Variants in ANO6 observed in about 807,000 individuals in gnomAD.
The protein encoded by ANO6 is anoctamin 6.
A neutral mutation model predicts 117.5 loss-of-function variants in ANO6; 106 were observed. That is an observed-to-expected ratio of 0.90 (90% CI 0.77 to 1.06). The LOEUF is 1.06. Among genes scored for constraint, ANO6 ranks in the 50% least tolerant of loss-of-function variants. The pLI is 0.00. For synonymous variants in ANO6, 367 were observed against 385.1 expected (o/e 0.95, Z 0.55); for missense variants, 955 against 1,121.1 (o/e 0.85, Z 2.12).
intron 9 of ANO6, among the ~76,000 whole-genome samples, 186 bp downstream of exon 9, chr12:45,367,979 G>A (rs1941729327): frequency 6.6e-6 from 1 of 152,026 alleles, no homozygotes; most frequent in East Asian, 1.9e-4. Context: ...ATAAAATTGT[G>A]ATTTAAGACC....
intron 1 of ANO6, among the ~76,000 whole-genome samples, chr12:45,229,322 G>A (rs1302425520): frequency 6.6e-6 from 1 of 150,678 alleles, no homozygotes; most frequent in Non-Finnish European, 1.5e-5. Flanking sequence ...TCCTTTTAAT[G>A]TTCCCATGTC....
At chr12:45,219,700 T>C (rs1486981300) in intron 1 of ANO6, among the ~76,000 whole-genome samples, 1 of 152,170 alleles carries the variant, frequency 6.6e-6, no homozygotes, top group East Asian at 1.9e-4. Context: ...ATCTGGAGAA[T>C]CAAGGATAGT....
At chr12:45,367,076 G>A (rs1285138073) in intron 8 of ANO6, among the ~76,000 whole-genome samples, 1 of 152,112 alleles carries the variant, frequency 6.6e-6, no homozygotes, top group African/African-American at 2.4e-5. Flanking sequence ...CCACCTCCCG[G>A]GTTCAAGCAA....
intron 1 of ANO6, among the ~76,000 whole-genome samples, chr12:45,249,066 G>A (rs2137183182): frequency 6.6e-6 from 1 of 152,148 alleles, no homozygotes; most frequent in East Asian, 1.9e-4. Flanking sequence ...ATATGTGTTG[G>A]TGGCACCACA....
At chr12:45,360,218 T>C (rs1444664790) in intron 8 of ANO6, among the ~76,000 whole-genome samples, 1 of 152,254 alleles carries the variant, frequency 6.6e-6, no homozygotes, top group Non-Finnish European at 1.5e-5. Context: ...ACAGACCAGG[T>C]AATTTGTAAA....
At chr12:45,330,846 A>C (rs1325792371) in intron 2 of ANO6, among the ~76,000 whole-genome samples, 1 of 152,070 alleles carries the variant, frequency 6.6e-6, no homozygotes, top group Admixed American at 6.6e-5. Flanking sequence ...AAAAGAAGTC[A>C]TGAAAAATGG....
At chr12:45,358,160 C>A (rs1272252308) in intron 8 of ANO6, among the ~76,000 whole-genome samples, 1 of 152,154 alleles carries the variant, frequency 6.6e-6, no homozygotes, top group Non-Finnish European at 1.5e-5. Flanking sequence ...CCAGGTGTGC[C>A]AGCCAGATAA....
chr12:45,435,967 A>G (rs953733072), downstream of ANO6, among the ~76,000 whole-genome samples: 2 of 152,236 alleles, frequency 1.3e-5, no homozygotes, highest in Admixed American at 6.5e-5. Flanking sequence ...CAACCTGCCC[A>G]GGAAACTAAC....
intron 12 of ANO6, among the ~76,000 whole-genome samples, chr12:45,396,660 G>T (rs913276431): frequency 6.6e-6 from 1 of 152,112 alleles, no homozygotes. Flanking sequence ...GAACAGAACG[G>T]AGGCCTCAGA....
At chr12:45,221,819 C>T (rs896974197) in intron 1 of ANO6, among the ~76,000 whole-genome samples, 11 of 150,406 alleles carry the variant, frequency 7.3e-5, no homozygotes, top group Non-Finnish European at 1.2e-4. Flanking sequence ...TCTGTTCCAA[C>T]TAGTCTTTTA....
intron 10 of ANO6, among the ~76,000 whole-genome samples, chr12:45,379,708 T>A (rs1942120870): frequency 6.6e-6 from 1 of 152,202 alleles, no homozygotes; most frequent in Non-Finnish European, 1.5e-5. Flanking sequence ...CAAAAAATGT[T>A]AATTTTGACA....
chr12:45,242,131 C>T (rs961421399), intron 1 of ANO6, among the ~76,000 whole-genome samples: 2 of 152,230 alleles, frequency 1.3e-5, no homozygotes, highest in Admixed American at 6.5e-5. Context: ...TTTAAGTCTG[C>T]AGAAGTTTCT....
At position 45,421,240 on chromosome 12, in the gene ANO6, C is replaced by T. The variant is rs377413251; in HGVS notation, c.2387C>T (p.Pro796Leu). Residue 796 changes from proline to leucine, a missense_variant, in exon 18 of 20, where the codon CCG (proline) becomes CTG (leucine). Coordinates refer to ENST00000320560, the MANE Select transcript of ANO6 (RefSeq NM_001025356.3). ...TTCAAAAACAAAAGCAAGGGAAACC[C>T]GTACTCTGACCTGGGTAACCATACC... Reference protein sequence around the residue: ...ADFKNKSKGNPYSDLGNHTTC... With the variant: ...ADFKNKSKGNLYSDLGNHTTC... 9.3e-6 allele frequency: 15 copies of T among 1,614,022 alleles called. No homozygotes were observed. The African/African-American group carries it at 9.3e-5, about 10-fold the overall frequency.
At chr12:45,355,939 CAG>C (rs1203146402) in intron 7 of ANO6, among the ~76,000 whole-genome samples, 2 of 152,174 alleles carry the variant, frequency 1.3e-5, no homozygotes, top group Non-Finnish European at 2.9e-5. Context: ...ACGTAGGCCT[CAG>C]AGTTAAGTAA....
At chr12:45,240,219 C>T (rs916657149) in intron 1 of ANO6, among the ~76,000 whole-genome samples, 6 of 151,918 alleles carry the variant, frequency 3.9e-5, no homozygotes, top group East Asian at 3.9e-4. Context: ...GTATTGGGTG[C>T]GTATATATTT....
At chr12:45,301,982 C>G (rs1939505228) in intron 1 of ANO6, 32 bp from the exon 2 acceptor site, 3 of 1,594,374 alleles carry the variant, frequency 1.9e-6, no homozygotes, top group Admixed American at 1.7e-5. Flanking sequence ...CAGGTTCATG[C>G]TTCATTTGTT....
chr12:45,239,232 T>C (rs1267102647), intron 1 of ANO6, among the ~76,000 whole-genome samples: 1 of 152,378 alleles, frequency 6.6e-6, no homozygotes, highest in African/African-American at 2.4e-5. Flanking sequence ...GTTATTGGTC[T>C]ATGCAGAGAT....
chr12:45,389,868 G>A (rs1397838233), intron 11 of ANO6, among the ~76,000 whole-genome samples: 1 of 152,162 alleles, frequency 6.6e-6, no homozygotes, highest in African/African-American at 2.4e-5. Flanking sequence ...TTAAGTATTT[G>A]CAGCTGTTAT....
At chr12:45,216,543 C>T in intron 1 of ANO6, 152 bp downstream of exon 1, 1 of 897,880 alleles carries the variant, frequency 1.1e-6, no homozygotes, top group Non-Finnish European at 1.6e-6. Flanking sequence ...CTGTCCCCGG[C>T]TGCTTGCAGA....
Sources: gnomAD v4.1 joint callset for allele counts (sites outside exome capture counted in the v4.1 genomes callset) on GRCh38, gnomAD v4.1.1 for gene constraint, MANE v1.5 for transcripts, NCBI Gene and HGNC (gene_info 2026-07-23, HGNC 2026-07-21) for gene names.